RNF115: variants seen among roughly 807,000 people sequenced by gnomAD.
The protein encoded by RNF115 is E3 ubiquitin-protein ligase RNF115.
A neutral mutation model predicts 39.2 loss-of-function variants in RNF115; 31 were observed. That is an observed-to-expected ratio of 0.79 (90% CI 0.59 to 1.07). The LOEUF (loss-of-function observed/expected upper bound fraction) is 1.07, where lower values mean the gene tolerates loss of function less well. Ranked by LOEUF, RNF115 falls within the 50% of genes least tolerant of loss-of-function variation. RNF115 has a pLI of 0.00. For missense variants in RNF115, 384 were observed against 381.7 expected (o/e 1.01, Z -0.05); for synonymous variants, 124 against 131.0 (o/e 0.95, Z 0.37).
chr1:145,802,611 C>T (rs1553721033), intron 1 of RNF115, among the ~76,000 whole-genome samples: 3 of 152,136 alleles, frequency 2.0e-5, no homozygotes, highest in Non-Finnish European at 4.4e-5. Context: ...GTTTTTCTAC[C>T]TCTTCGTTAT....
intron 4 of RNF115, among the ~76,000 whole-genome samples, chr1:145,760,543 G>A (rs1162488278): frequency 2.0e-5 from 3 of 152,170 alleles, no homozygotes; most frequent in Admixed American, 1.3e-4. Context: ...GAGATCTGAT[G>A]GGTTTATCAG....
chr1:145,807,601 A>G (rs1649516174), intron 1 of RNF115, among the ~76,000 whole-genome samples: 1 of 152,192 alleles, frequency 6.6e-6, no homozygotes, highest in South Asian at 2.1e-4. Flanking sequence ...CATGGGGTAC[A>G]TGTGATATTT....
At chr1:145,796,610 C>T (rs1648993575) in intron 1 of RNF115, among the ~76,000 whole-genome samples, 1 of 151,998 alleles carries the variant, frequency 6.6e-6, no homozygotes, top group Non-Finnish European at 1.5e-5. Context: ...TGGTCTTGAA[C>T]TCCTAAGCTC....
chr1:145,775,458 T>C (rs1389550596), intron 3 of RNF115, among the ~76,000 whole-genome samples: 2 of 150,226 alleles, frequency 1.3e-5, no homozygotes, highest in East Asian at 3.9e-4. Flanking sequence ...TGCAACGCCG[T>C]GATCATGGTT....
intron 4 of RNF115, among the ~76,000 whole-genome samples, chr1:145,761,806 C>CT (rs1458926690): frequency 3.9e-5 from 6 of 152,228 alleles, no homozygotes; most frequent in African/African-American, 1.4e-4. Flanking sequence ...CCACTGACAG[C>CT]TTGCACCAAT....
chr1:145,798,838 T>C (rs1253996325), intron 1 of RNF115, among the ~76,000 whole-genome samples: 1 of 152,182 alleles, frequency 6.6e-6, no homozygotes, highest in Admixed American at 6.5e-5. Context: ...TTAATTCTTT[T>C]CAGCAGTATT....
chr1:145,771,779 C>G lies in RNF115; in HGVS notation c.360G>C (p.Arg120=). Residue 120 remains arginine, a synonymous_variant, in exon 4 of 9, where the codon CGG becomes CGC. Transcript: ENST00000582693. ...ATCTGTATCTCCGACCCAATGGCAA[C>G]CGTGGAGGTCTTGCTCCCCAGAAGT... ...HTDFWGARPP[R]LPLGRRYRSR... The G allele has an allele frequency of 6.2e-7, 1 of 1,614,162 alleles. No individual in the cohort carries two copies. Among genetic ancestry groups the G allele is most frequent in the Non-Finnish European group, 8.5e-7 (1 of 1,180,004 alleles).
Position 145,824,089 on chromosome 1 carries a change from G to C in RNF115, c.-216C>G. 2 of 462,080 alleles carry C rather than the reference G, an allele frequency of 4.3e-6. No individual in the cohort carries two copies. The highest frequency in any genetic ancestry group is 7.6e-5 in the East Asian group (2 of 26,342). The allele number at this position is 462,080 out of a possible 1,614,324, so 28.6% of individuals were successfully genotyped here. A position where few individuals can be genotyped will look rare whatever the true frequency, so the allele number is the denominator to read the frequency against. On this transcript the variant is annotated 5_prime_UTR_variant, in exon 1 of 9. Transcript: ENST00000582693. ...CCCAGCACCAAAGAGGCGCAGGAAG[G>C]AGAGACAAACGGCCCGCCCGCCGGC...
intron 2 of RNF115, chr1:145,786,960 A>T (rs1484834080): frequency 2.5e-6 from 2 of 787,676 alleles, no homozygotes; most frequent in Non-Finnish European, 3.7e-6. Flanking sequence ...GCTCCAGCTT[A>T]TTTACACATA....
chr1:145,749,104 G>A (rs1235699530), intron 7 of RNF115, among the ~76,000 whole-genome samples: 5 of 152,050 alleles, frequency 3.3e-5, no homozygotes, highest in African/African-American at 4.8e-5. Context: ...CCCAAATTTG[G>A]CTAATACTGT....
chr1:145,802,819 T>G (rs1649306904), intron 1 of RNF115, among the ~76,000 whole-genome samples: 1 of 152,192 alleles, frequency 6.6e-6, no homozygotes, highest in African/African-American at 2.4e-5. Flanking sequence ...CACAAAATGT[T>G]TGCCACACAT....
chr1:145,763,755 G>A (rs1344557500), intron 4 of RNF115, among the ~76,000 whole-genome samples: 3 of 152,156 alleles, frequency 2.0e-5, no homozygotes, highest in Admixed American at 2.0e-4. Flanking sequence ...TTTTAATGTA[G>A]TAAGTGCAGA....
chr1:145,765,834 G>A (rs1209203608), intron 4 of RNF115, among the ~76,000 whole-genome samples: 1 of 152,270 alleles, frequency 6.6e-6, no homozygotes, highest in Non-Finnish European at 1.5e-5. Context: ...AGAGTTCCCT[G>A]TCTCTGTGTT....
intron 4 of RNF115, among the ~76,000 whole-genome samples, chr1:145,766,992 G>A (rs782179927): frequency 7.4e-5 from 10 of 135,358 alleles, no homozygotes; most frequent in African/African-American, 2.5e-4. Flanking sequence ...GGGCAGAGGG[G>A]CTCCTCACTT....
In RNF115 at chr1:145,746,424, C is replaced by T. The variant is rs1657882554; in HGVS notation, c.*442G>A. ...GAGTAGTTTTTTTTTTTTTTAAATA[C>T]AATTAAGACAAAAGGACTTTATATC... On this transcript the variant is annotated 3_prime_UTR_variant, in exon 9 of 9. Transcript: ENST00000582693. 4 of 145,796 alleles carry T rather than the reference C, an allele frequency of 2.7e-5. No homozygotes were observed. In the Admixed American group the frequency reaches 2.8e-4, roughly 10 times the overall value. The allele number at this position is 145,796 out of a possible 1,614,324, so 9.0% of individuals were successfully genotyped here. A position where few individuals can be genotyped will look rare whatever the true frequency, so the allele number is the denominator to read the frequency against.
chr1:145,784,599 AAAGAG>A lies in RNF115; in HGVS notation c.162-8_162-4del. On this transcript the variant is annotated splice_region_variant and splice_polypyrimidine_tract_variant and intron_variant, in intron 2 of 8. Transcript: ENST00000582693. ...GACTGCCGCCACCACCTAAAAAACT[AAAGAG>A]AAAAGGAATGAGTGGTGATTCTATT... The A allele has an allele frequency of 6.2e-7, 1 of 1,613,688 alleles. No individual in the cohort carries two copies. Among genetic ancestry groups the A allele is most frequent in the Non-Finnish European group, 8.5e-7 (1 of 1,179,628 alleles).
chr1:145,774,767 T>G (rs1647801067), intron 3 of RNF115, among the ~76,000 whole-genome samples: 1 of 152,204 alleles, frequency 6.6e-6, no homozygotes, highest in Non-Finnish European at 1.5e-5. Flanking sequence ...CTTTTATGTC[T>G]TATCTTGTTT....
intron 4 of RNF115, among the ~76,000 whole-genome samples, chr1:145,765,034 G>A (rs1395530416): frequency 6.6e-6 from 1 of 152,252 alleles, no homozygotes; most frequent in Non-Finnish European, 1.5e-5. Context: ...TGTCTGTGTA[G>A]AAAGAAGTAG....
chr1:145,750,638 T>C, intron 6 of RNF115, 138 bp from the exon 7 acceptor site: 1 of 642,674 alleles, frequency 1.6e-6, no homozygotes, highest in Admixed American at 2.9e-5. Context: ...TCTGAGAGGC[T>C]TGGGTTTCCC....
Sources: allele counts gnomAD v4.1 joint callset (sites outside exome capture counted in the v4.1 genomes callset), GRCh38; gene constraint gnomAD v4.1.1; transcripts MANE v1.5; gene names NCBI Gene and HGNC (gene_info 2026-07-23, HGNC 2026-07-21).